Variants in ZNF804A observed in about 807,000 individuals in gnomAD.
ZNF804A encodes zinc finger protein 804A.
In ZNF804A, 2 loss-of-function variants were observed where a neutral mutation model predicts 16.5. That is an observed-to-expected ratio of 0.12 (90% CI 0.05 to 0.38). The LOEUF (loss-of-function observed/expected upper bound fraction) is 0.38. Among genes scored for constraint, ZNF804A ranks in the 10% least tolerant of loss-of-function variants. The pLI is 0.99. For missense variants in ZNF804A, 1,473 were observed against 1,390.7 expected (o/e 1.06, Z -0.94); for synonymous variants, 534 against 489.6 (o/e 1.09, Z -1.20).
chr2:184,797,793 T>A (rs1339583696), intron 1 of ZNF804A, among the ~76,000 whole-genome samples: 2 of 152,098 alleles, frequency 1.3e-5, no homozygotes, highest in African/African-American at 2.4e-5. Context: ...TATATTTTTG[T>A]TTTATAAGTC....
chr2:184,796,544 T>C (rs1172572382), intron 1 of ZNF804A, among the ~76,000 whole-genome samples: 2 of 151,028 alleles, frequency 1.3e-5, no homozygotes, highest in African/African-American at 2.4e-5. Context: ...GAATGATCTT[T>C]TTATTTCAGT....
intron 2 of ZNF804A, among the ~76,000 whole-genome samples, chr2:184,901,548 A>G (rs7599912): frequency 1.3e-5 from 2 of 152,102 alleles, no homozygotes; most frequent in African/African-American, 4.8e-5. Context: ...GTCATAGGTA[A>G]ATTATACTTT....
chr2:184,846,827 G>A (rs943483837), intron 1 of ZNF804A, among the ~76,000 whole-genome samples: 14 of 151,990 alleles, frequency 9.2e-5, no homozygotes, highest in East Asian at 1.9e-4. Flanking sequence ...AGAGTCCAGC[G>A]ATGAAAAATA....
At chr2:184,893,673 G>A (rs1420620124) in intron 2 of ZNF804A, among the ~76,000 whole-genome samples, 2 of 152,026 alleles carry the variant, frequency 1.3e-5, no homozygotes, top group Non-Finnish European at 1.5e-5. Context: ...ACATGTTTTA[G>A]AATTCTATGT....
At chr2:184,902,542 A>G (rs1685203304) in intron 2 of ZNF804A, 1 of 152,240 alleles carries the variant, frequency 6.6e-6, no homozygotes, top group Non-Finnish European at 1.5e-5. Context: ...TGGGAGGACC[A>G]GGAGCCTCTT....
chr2:184,771,734 C>T (rs1296729862), intron 1 of ZNF804A, among the ~76,000 whole-genome samples: 1 of 152,050 alleles, frequency 6.6e-6, no homozygotes, highest in South Asian at 2.1e-4. Flanking sequence ...AGTTTGTAGA[C>T]TACCTGCAGC....
chr2:184,624,317 A>G (rs1378400694), intron 1 of ZNF804A, among the ~76,000 whole-genome samples: 1 of 152,174 alleles, frequency 6.6e-6, no homozygotes, highest in Non-Finnish European at 1.5e-5. Flanking sequence ...AAAATACTAT[A>G]AGACATCTAC....
At chr2:184,630,762 T>C (rs1691593222) in intron 1 of ZNF804A, among the ~76,000 whole-genome samples, 1 of 152,090 alleles carries the variant, frequency 6.6e-6, no homozygotes, top group Non-Finnish European at 1.5e-5. Context: ...GTGCTTCTAT[T>C]AAAATAAAGT....
intron 2 of ZNF804A, among the ~76,000 whole-genome samples, chr2:184,893,091 G>A (rs1250135078): frequency 6.6e-6 from 1 of 151,926 alleles, no homozygotes; most frequent in Non-Finnish European, 1.5e-5. Flanking sequence ...GTCACTTGAA[G>A]ATATTTAATG....
intron 2 of ZNF804A, among the ~76,000 whole-genome samples, chr2:184,875,106 G>A (rs1446092027): frequency 2.0e-5 from 3 of 152,148 alleles, no homozygotes; most frequent in Non-Finnish European, 4.4e-5. Flanking sequence ...TTGTGGAAAA[G>A]CAGCAATGTT....
intron 1 of ZNF804A, among the ~76,000 whole-genome samples, chr2:184,745,652 C>T (rs1349979836): frequency 2.0e-5 from 3 of 151,380 alleles, no homozygotes; most frequent in African/African-American, 7.3e-5. Flanking sequence ...TTTTTCTTCT[C>T]TAGGCATTAA....
At chr2:184,854,427 G>C (rs1186090446) in intron 1 of ZNF804A, among the ~76,000 whole-genome samples, 2 of 151,936 alleles carry the variant, frequency 1.3e-5, no homozygotes, top group Non-Finnish European at 2.9e-5. Context: ...CCAACAACAA[G>C]TTCCCTGTGA....
chr2:184,762,671 G>A (rs1161267569), intron 1 of ZNF804A, among the ~76,000 whole-genome samples: 1 of 151,752 alleles, frequency 6.6e-6, no homozygotes, highest in African/African-American at 2.4e-5. Flanking sequence ...TAAAATTTGG[G>A]GACTATTTAT....
intron 2 of ZNF804A, among the ~76,000 whole-genome samples, chr2:184,889,839 A>G (rs1200153853): frequency 6.6e-6 from 1 of 152,114 alleles, no homozygotes; most frequent in African/African-American, 2.4e-5. Flanking sequence ...TGAAACATAT[A>G]TCTTAATACA....
chr2:184,646,898 G>A (rs191985026), intron 1 of ZNF804A, among the ~76,000 whole-genome samples: 3 of 152,302 alleles, frequency 2.0e-5, no homozygotes, highest in Non-Finnish European at 4.4e-5. Context: ...TACTCATCTT[G>A]GCCCCTGCCA....
At chr2:184,640,653 A>T (rs7564347) in intron 1 of ZNF804A, among the ~76,000 whole-genome samples, 84,003 of 151,910 alleles carry the variant, frequency 0.55, 24,101 homozygotes, top group African/African-American at 0.65. Context: ...TGAGGAGTTG[A>T]GAGGTTTATC....
intron 1 of ZNF804A, among the ~76,000 whole-genome samples, chr2:184,800,415 T>C (rs1036532895): frequency 4.0e-5 from 6 of 151,760 alleles, no homozygotes; most frequent in African/African-American, 1.4e-4. Context: ...TTTTCTAATA[T>C]ATACATTCAA....
At chr2:184,605,286 T>C (rs430040) in intron 1 of ZNF804A, among the ~76,000 whole-genome samples, 68,289 of 151,918 alleles carry the variant, frequency 0.45, 16,502 homozygotes, top group African/African-American at 0.63. Flanking sequence ...AAATTACTTA[T>C]ATCTGTTTAT....
chr2:184,756,107 T>A (rs1693955281), intron 1 of ZNF804A, among the ~76,000 whole-genome samples: 1 of 152,026 alleles, frequency 6.6e-6, no homozygotes, highest in African/African-American at 2.4e-5. Context: ...TTATAGAGTT[T>A]TTTTCCTCAG....
Sources: allele counts gnomAD v4.1 joint callset (sites outside exome capture counted in the v4.1 genomes callset), GRCh38; gene constraint gnomAD v4.1.1; transcripts MANE v1.5; gene names NCBI Gene and HGNC (gene_info 2026-07-23, HGNC 2026-07-21).